CAMKMT: variants seen among roughly 807,000 people sequenced by gnomAD.
The protein encoded by CAMKMT is calmodulin-lysine N-methyltransferase, also known as CaM KMT.
Under a neutral mutation model 48.0 loss-of-function variants are expected in CAMKMT, and 53 were observed. The observed-to-expected ratio is 1.10, with a 90% confidence interval of 0.89 to 1.39. The LOEUF (loss-of-function observed/expected upper bound fraction) is 1.39. Among genes scored for constraint, CAMKMT ranks in the 40% most tolerant of loss-of-function variants. The pLI is 0.00. For synonymous variants in CAMKMT, 165 were observed against 152.3 expected (o/e 1.08, Z -0.61); for missense variants, 428 against 402.7 (o/e 1.06, Z -0.54).
intron 3 of CAMKMT, among the ~76,000 whole-genome samples, chr2:44,697,080 C>T (rs1558802389): frequency 6.6e-6 from 1 of 151,964 alleles, no homozygotes; most frequent in Non-Finnish European, 1.5e-5. Context: ...ATAACAGTTG[C>T]AGAAGAAGAG....
At chr2:44,362,267 G>A in intron 1 of CAMKMT, 122 bp downstream of exon 1, 1 of 857,940 alleles carries the variant, frequency 1.2e-6, no homozygotes, top group East Asian at 3.4e-5. Flanking sequence ...CAGTTTGCCG[G>A]GAGCCACCTG....
chr2:44,646,073 G>A (rs1391121626), intron 3 of CAMKMT, among the ~76,000 whole-genome samples: 1 of 152,034 alleles, frequency 6.6e-6, no homozygotes, highest in Non-Finnish European at 1.5e-5. Flanking sequence ...GAACTAGATC[G>A]AGAAGACAAC....
At chr2:44,496,726 A>T (rs1387949281) in intron 3 of CAMKMT, among the ~76,000 whole-genome samples, 2 of 152,194 alleles carry the variant, frequency 1.3e-5, no homozygotes, top group Non-Finnish European at 2.9e-5. Flanking sequence ...TGTAGTCACA[A>T]ATGTGGTGTT....
At chr2:44,738,068 C>G (rs979309913) in intron 7 of CAMKMT, among the ~76,000 whole-genome samples, 16 of 151,880 alleles carry the variant, frequency 1.1e-4, no homozygotes, top group African/African-American at 3.4e-4. Flanking sequence ...CTTGGCTAGC[C>G]CAGTCTCAAA....
At chr2:44,695,871 C>T (rs1185468003) in intron 3 of CAMKMT, among the ~76,000 whole-genome samples, 12 of 151,110 alleles carry the variant, frequency 7.9e-5, no homozygotes, top group Admixed American at 7.9e-4. Context: ...GATTCTGCAT[C>T]TGAGGATTCA....
intron 2 of CAMKMT, 145 bp from the exon 3 acceptor site, chr2:44,390,096 G>T (rs1333546290): frequency 3.4e-6 from 2 of 584,856 alleles, no homozygotes. Context: ...CCCTCTAGTG[G>T]GCAGAAAATA....
chr2:44,452,527 A>T (rs1287898165), intron 3 of CAMKMT, among the ~76,000 whole-genome samples: 5 of 152,066 alleles, frequency 3.3e-5, no homozygotes, highest in Non-Finnish European at 4.4e-5. Context: ...GATATTAAAC[A>T]CACAAAAAAA....
At chr2:44,668,472 C>T (rs565261100) in intron 3 of CAMKMT, among the ~76,000 whole-genome samples, 15 of 152,168 alleles carry the variant, frequency 9.9e-5, no homozygotes, top group Non-Finnish European at 1.9e-4. Flanking sequence ...CAGTATCACT[C>T]GTCTTCAGAA....
chr2:44,662,111 G>T (rs1264590298), intron 3 of CAMKMT, among the ~76,000 whole-genome samples: 1 of 152,130 alleles, frequency 6.6e-6, no homozygotes, highest in African/African-American at 2.4e-5. Flanking sequence ...CCACACTATA[G>T]TACCTCAAGT....
At position 44,390,225 on chromosome 2, in the gene CAMKMT, C is replaced by CT; in HGVS notation, c.312-13dup. On this transcript the variant is annotated splice_polypyrimidine_tract_variant and intron_variant, in intron 2 of 10. Coordinates refer to ENST00000378494, the MANE Select transcript of CAMKMT (RefSeq NM_024766.5). ...CATTTCAGAATCATTAAAGCAAACGCTTTACTCCTTTCTAGGCATAATAGT... is the reference window on the plus strand; with the variant it reads ...CATTTCAGAATCATTAAAGCAAACGCTTTTACTCCTTTCTAGGCATAATAGT... The CT allele has an allele frequency of 6.3e-7, 1 of 1,596,384 alleles. No homozygotes were observed. The highest frequency in any genetic ancestry group is 1.7e-4 in the Middle Eastern group (1 of 6,004).
intron 10 of CAMKMT, among the ~76,000 whole-genome samples, chr2:44,767,502 C>T (rs1680891527): frequency 6.6e-6 from 1 of 152,112 alleles, no homozygotes; most frequent in South Asian, 2.1e-4. Flanking sequence ...TCTGATCTTC[C>T]AAGCAAGAGA....
intron 3 of CAMKMT, among the ~76,000 whole-genome samples, chr2:44,636,841 G>A (rs1437964777): frequency 2.0e-5 from 3 of 152,068 alleles, no homozygotes; most frequent in Admixed American, 2.0e-4. Flanking sequence ...CCCCAACTTT[G>A]ATTTTGTTCC....
chr2:44,615,589 G>A (rs1671843249), intron 3 of CAMKMT, among the ~76,000 whole-genome samples: 2 of 152,124 alleles, frequency 1.3e-5, no homozygotes, highest in African/African-American at 2.4e-5. Context: ...AGTTTTGGAG[G>A]CATTTAGGTG....
At chr2:44,518,174 G>C (rs1670927920) in intron 3 of CAMKMT, among the ~76,000 whole-genome samples, 1 of 151,714 alleles carries the variant, frequency 6.6e-6, no homozygotes, top group Admixed American at 6.6e-5. Flanking sequence ...TTTTTTTCAA[G>C]AAAATTTAGT....
chr2:44,404,055 G>A (rs1040901762), intron 3 of CAMKMT, among the ~76,000 whole-genome samples: 3 of 152,066 alleles, frequency 2.0e-5, no homozygotes. Flanking sequence ...ATCACATTGT[G>A]TTATAACTAT....
chr2:44,683,822 C>CAAAAAAA (rs10644183), intron 3 of CAMKMT, among the ~76,000 whole-genome samples: 93 of 68,786 alleles, frequency 1.4e-3, no homozygotes, highest in East Asian at 1.9e-3. Context: ...GACTCTGTCT[C>CAAAAAAA]AAAAAAAAAA....
intron 3 of CAMKMT, among the ~76,000 whole-genome samples, chr2:44,678,193 A>T (rs933756704): frequency 1.3e-5 from 2 of 152,136 alleles, no homozygotes; most frequent in African/African-American, 4.8e-5. Context: ...TTGGAAAAAA[A>T]TTTTTTAAAT....
At chr2:44,729,911 A>G (rs1181065920) in intron 7 of CAMKMT, among the ~76,000 whole-genome samples, 1 of 152,152 alleles carries the variant, frequency 6.6e-6, no homozygotes. Flanking sequence ...CTGGAGTTGA[A>G]GCTCAGGAAT....
intron 7 of CAMKMT, among the ~76,000 whole-genome samples, chr2:44,734,750 T>A (rs1679268799): frequency 6.6e-6 from 1 of 152,180 alleles, no homozygotes; most frequent in Non-Finnish European, 1.5e-5. Flanking sequence ...TCATTTTAAA[T>A]TTATTGAGAC....
Sources: allele counts gnomAD v4.1 joint callset (sites outside exome capture counted in the v4.1 genomes callset), GRCh38; gene constraint gnomAD v4.1.1; transcripts MANE v1.5; gene names NCBI Gene and HGNC (gene_info 2026-07-23, HGNC 2026-07-21).